CENPE: variants seen among roughly 807,000 people sequenced by gnomAD.
CENPE encodes centromere-associated protein E.
Under a neutral mutation model 336.1 loss-of-function variants are expected in CENPE, and 145 were observed. The ratio of observed to expected loss-of-function variants is 0.43; its 90% CI spans 0.38 to 0.50. The LOEUF is 0.50. CENPE is among the 20% of genes least tolerant of loss of function. CENPE has a pLI of 0.00. For missense variants in CENPE, 2,719 were observed against 3,023.3 expected (o/e 0.90, Z 2.36); for synonymous variants, 1,013 against 984.8 (o/e 1.03, Z -0.54).
chr4:103,184,132 C>T (rs1218926381), intron 9 of CENPE, among the ~76,000 whole-genome samples: 2 of 152,192 alleles, frequency 1.3e-5, no homozygotes, highest in Non-Finnish European at 2.9e-5. Context: ...TTAGCTATTG[C>T]TTTAACATTA....
At chr4:103,152,461 A>G (rs764188024) in intron 25 of CENPE, among the ~76,000 whole-genome samples, 2 of 152,218 alleles carry the variant, frequency 1.3e-5, no homozygotes, top group Non-Finnish European at 2.9e-5. Context: ...AAATCAGTCT[A>G]GCAAATTCTC....
chr4:103,174,767 G>A lies in CENPE; in HGVS notation c.1616C>T (p.Ala539Val). The change falls in exon 16 of 49, where the codon GCT becomes GTT. Residue 539 changes from alanine (A) to valine (V), a missense_variant. Ala to Val is a moderately conservative substitution (Grantham distance 64). This residue lies in a region of CENPE where 2,437 missense variants were observed against 2,513.3 expected (regional missense o/e 0.97). Transcript: ENST00000265148. Reference sequence around the variant, plus strand: ...ATCTTTTTTAGTTTTTCTTTCTAGAGCCTCAAATTCATCCAAATCATTCTT... The same window carrying A: ...ATCTTTTTTAGTTTTTCTTTCTAGAACCTCAAATTCATCCAAATCATTCTT... ...KEKNDLDEFE[A>V]LERKTKKDQE... is the part of the protein sequence containing the mutation. The A allele has an allele frequency of 6.5e-7, 1 of 1,540,852 alleles. No individual in the cohort carries two copies. The highest frequency in any genetic ancestry group is 8.7e-7 in the Non-Finnish European group (1 of 1,146,530).
At chr4:103,192,286 C>A (rs1220759367) in intron 8 of CENPE, among the ~76,000 whole-genome samples, 6 of 152,046 alleles carry the variant, frequency 3.9e-5, no homozygotes, top group Admixed American at 1.3e-4. Flanking sequence ...ATGAAGGCAG[C>A]ATGAGTGAAG....
chr4:103,121,912 C>A (rs897664041), intron 43 of CENPE, among the ~76,000 whole-genome samples: 1 of 151,988 alleles, frequency 6.6e-6, no homozygotes, highest in Non-Finnish European at 1.5e-5. Context: ...TACACCTGTA[C>A]TAAATTCTCA....
At chr4:103,158,172 G>A in intron 24 of CENPE, 128 bp downstream of exon 24, 1 of 645,068 alleles carries the variant, frequency 1.6e-6, no homozygotes, top group Non-Finnish European at 2.4e-6. Flanking sequence ...GGATAAGCTT[G>A]TAAAATTATT....
intron 16 of CENPE, among the ~76,000 whole-genome samples, chr4:103,173,858 G>A (rs1755633686): frequency 6.6e-6 from 1 of 151,774 alleles, no homozygotes; most frequent in Non-Finnish European, 1.5e-5. Flanking sequence ...TATCAAGAAG[G>A]CAGAAGAGAA....
intron 46 of CENPE, among the ~76,000 whole-genome samples, chr4:103,114,092 G>A (rs1389985396): frequency 1.3e-5 from 2 of 152,076 alleles, no homozygotes; most frequent in Admixed American, 6.6e-5. Flanking sequence ...CTTATTAGAT[G>A]CATACAATTA....
At position 103,109,098 on chromosome 4, in the gene CENPE, T is replaced by C. The variant is rs1439393278; in HGVS notation, c.7725-9A>G. 3.1e-6 allele frequency: 5 copies of C among 1,595,998 alleles called. No homozygotes were observed. Among genetic ancestry groups the C allele is most frequent in the South Asian group, 2.3e-5 (2 of 87,274 alleles). On this transcript the variant is annotated splice_polypyrimidine_tract_variant and intron_variant, in intron 47 of 48. Coordinates refer to ENST00000265148, the MANE Select transcript of CENPE (RefSeq NM_001813.3). The stretch of plus-strand genomic sequence containing the variant: ...AAAGATGCTGATTATTGCTTAAATG[T>C]GGGGGAAGAAAAGAGAGACTGTAAG...
chr4:103,162,141 T>TGGGAGGCCG (rs1754499897), intron 18 of CENPE, among the ~76,000 whole-genome samples: 1 of 152,130 alleles, frequency 6.6e-6, no homozygotes, highest in African/African-American at 2.4e-5. Flanking sequence ...AGTGCCTTCC[T>TGGGAGGCCG]ATCCAGGGCC....
intron 42 of CENPE, among the ~76,000 whole-genome samples, chr4:103,128,207 C>T (rs1438078002): frequency 6.6e-6 from 1 of 152,124 alleles, no homozygotes; most frequent in African/African-American, 2.4e-5. Context: ...GACATCAATA[C>T]CCCAAGAAGA....
intron 16 of CENPE, 70 bp downstream of exon 16, chr4:103,174,655 AAAGCTTACATT>A: frequency 9.5e-7 from 1 of 1,052,408 alleles, no homozygotes; most frequent in African/African-American, 1.7e-5. Context: ...AAAAATTAAA[AAAGCTTACATT>A]ATAGAAAAAA....
intron 16 of CENPE, among the ~76,000 whole-genome samples, chr4:103,174,456 A>C (rs951490723): frequency 6.6e-6 from 1 of 152,034 alleles, no homozygotes; most frequent in African/African-American, 2.4e-5. Flanking sequence ...ATAGTTAATG[A>C]CAATTTATTG....
chr4:103,158,291 A>C lies in CENPE; in HGVS notation c.3033+9T>G. 6.3e-7 allele frequency: 1 copy of C among 1,582,886 alleles called. No individual in the cohort carries two copies. Among genetic ancestry groups the C allele is most frequent in the Non-Finnish European group, 8.6e-7 (1 of 1,167,430 alleles). On this transcript the variant is annotated intron_variant, in intron 24 of 48. Coordinates refer to ENST00000265148, the MANE Select transcript of CENPE (RefSeq NM_001813.3). ...GCATATGAAAACTCTGAAAATAAACACCCTTTACCTTTTGCTGAAATTCAT... is the reference window on the plus strand; with the variant it reads ...GCATATGAAAACTCTGAAAATAAACCCCCTTTACCTTTTGCTGAAATTCAT...
chr4:103,168,537 AC>A (rs1199046190), intron 16 of CENPE, among the ~76,000 whole-genome samples: 1 of 152,194 alleles, frequency 6.6e-6, no homozygotes, highest in Non-Finnish European at 1.5e-5. Context: ...AAGCTTACCA[AC>A]ATTGGTTCCA....
At chr4:103,196,879 C>G in intron 1 of CENPE, 29 bp from the exon 2 acceptor site, 2 of 1,122,450 alleles carry the variant, frequency 1.8e-6, no homozygotes, top group Non-Finnish European at 2.7e-6. Context: ...CGCATTTTAA[C>G]CAGTCATAAA....
chr4:103,136,297 A>C lies in CENPE; in HGVS notation c.6366T>G (p.Leu2122=). The C allele has an allele frequency of 6.2e-7, 1 of 1,613,374 alleles. No individual in the cohort carries two copies. The highest frequency in any genetic ancestry group is 1.3e-5 in the African/African-American group (1 of 75,024). ...GGAATTCAATTTCCTTCTCCAAGTC[A>C]AGAGACAATCTATTCAAGCACTCAT... ...DHYECLNRLS[L]DLEKEIEFQK... The change falls in exon 40 of 49, where the codon CTT becomes CTG. Residue 2122 remains leucine (L), a synonymous_variant. Transcript: ENST00000265148.
At chr4:103,116,498 T>G in intron 45 of CENPE, 79 bp downstream of exon 45, 1 of 594,084 alleles carries the variant, frequency 1.7e-6, no homozygotes, top group Non-Finnish European at 2.8e-6. Context: ...TTTTAAAAAG[T>G]TAACTAATGA....
chr4:103,123,131 A>G, intron 42 of CENPE, 42 bp from the exon 43 acceptor site: 1 of 1,430,686 alleles, frequency 7.0e-7, no homozygotes, highest in Admixed American at 1.7e-5. Flanking sequence ...AAAACGATTT[A>G]TAGTAGTCCC....
intron 8 of CENPE, among the ~76,000 whole-genome samples, chr4:103,188,898 A>C (rs1437698468): frequency 2.6e-5 from 4 of 152,180 alleles, no homozygotes; most frequent in African/African-American, 9.7e-5. Flanking sequence ...ACCGCTAGCA[A>C]GACTAATAAA....
Sources: gnomAD v4.1 joint callset for allele counts (sites outside exome capture counted in the v4.1 genomes callset) on GRCh38, gnomAD v4.1.1 for gene constraint, gnomAD v4.1.1 regional missense constraint, MANE v1.5 for transcripts, NCBI Gene and HGNC (gene_info 2026-07-23, HGNC 2026-07-21) for gene names.